KCTD8: variants seen among roughly 807,000 people sequenced by gnomAD.
KCTD8 encodes the protein BTB/POZ domain-containing protein KCTD8.
In KCTD8, 27 loss-of-function variants were observed where a neutral mutation model predicts 31.5. That is an observed-to-expected ratio of 0.86 (90% CI 0.63 to 1.18). The LOEUF is 1.18. Ranked by LOEUF, KCTD8 falls within the 50% of genes most tolerant of loss-of-function variation. The probability of loss-of-function intolerance (pLI) is 0.00; values close to 1 mark genes in which losing one functional copy is unlikely to be tolerated. For missense variants in KCTD8, 658 were observed against 647.7 expected (o/e 1.02, Z -0.17); for synonymous variants, 290 against 280.0 (o/e 1.04, Z -0.36).
intron 1 of KCTD8, among the ~76,000 whole-genome samples, chr4:44,397,883 G>T (rs915100556): frequency 1.3e-5 from 2 of 151,952 alleles, no homozygotes; most frequent in Non-Finnish European, 2.9e-5. Flanking sequence ...CTAAAAAATT[G>T]ATTTTTTTGT....
At chr4:44,338,119 G>A (rs1276706426) in intron 1 of KCTD8, among the ~76,000 whole-genome samples, 3 of 151,696 alleles carry the variant, frequency 2.0e-5, no homozygotes, top group African/African-American at 7.3e-5. Flanking sequence ...GGGGTAAACA[G>A]GTTGAAAATA....
At chr4:44,348,882 G>A (rs890904810) in intron 1 of KCTD8, among the ~76,000 whole-genome samples, 5 of 152,016 alleles carry the variant, frequency 3.3e-5, no homozygotes, top group African/African-American at 1.2e-4. Context: ...CTGTCAGTTG[G>A]CACAGTCCTC....
intron 1 of KCTD8, among the ~76,000 whole-genome samples, chr4:44,342,006 A>G (rs568465825): frequency 6.6e-6 from 1 of 152,290 alleles, no homozygotes; most frequent in South Asian, 2.1e-4. Flanking sequence ...CAGGAAAACA[A>G]CATTAATCTC....
At chr4:44,238,341 C>A (rs545774914) in intron 1 of KCTD8, among the ~76,000 whole-genome samples, 29 of 152,156 alleles carry the variant, frequency 1.9e-4, no homozygotes, top group Non-Finnish European at 2.5e-4. Context: ...GTCTCTCTCT[C>A]TATATAAACT....
chr4:44,341,838 G>A (rs1718906185), intron 1 of KCTD8, among the ~76,000 whole-genome samples: 2 of 152,008 alleles, frequency 1.3e-5, no homozygotes, highest in Non-Finnish European at 2.9e-5. Flanking sequence ...GTTCTTTATG[G>A]CATCTCTAAT....
rs1467365378 is a variant in KCTD8 at position 44,268,548 on chromosome 4, A to G, written c.962-93298T>C. On this transcript the variant is annotated intron_variant, in intron 1 of 1. Transcript: ENST00000360029. ...AGTATTGGAAGTTCTGGCCAGGGCA[A>G]TTAGGCAGGAGAAGGAAATAAAGGG... Among the ~76,000 whole-genome samples the G allele has an allele frequency of 5.3e-5, 8 of 152,194 alleles. No homozygotes were observed. In the East Asian group the frequency reaches 1.6e-3, roughly 29 times the overall value.
At chr4:44,261,906 T>C (rs1716193556) in intron 1 of KCTD8, among the ~76,000 whole-genome samples, 1 of 152,102 alleles carries the variant, frequency 6.6e-6, no homozygotes, top group Non-Finnish European at 1.5e-5. Flanking sequence ...ATCTTGAATA[T>C]ATATAATTTT....
At chr4:44,324,090 C>T (rs1251181099) in intron 1 of KCTD8, among the ~76,000 whole-genome samples, 1 of 143,828 alleles carries the variant, frequency 7.0e-6, no homozygotes, top group African/African-American at 2.6e-5. Context: ...AAAAGGAAAC[C>T]AAATTTTTAT....
chr4:44,328,427 T>C (rs1353677298), intron 1 of KCTD8, among the ~76,000 whole-genome samples: 1 of 151,966 alleles, frequency 6.6e-6, no homozygotes, highest in African/African-American at 2.4e-5. Flanking sequence ...AGCTGAGTAC[T>C]AGATGACCAC....
intron 1 of KCTD8, among the ~76,000 whole-genome samples, chr4:44,387,897 A>G (rs1720263949): frequency 6.6e-6 from 1 of 151,900 alleles, no homozygotes; most frequent in Non-Finnish European, 1.5e-5. Flanking sequence ...GCTGCATGGC[A>G]AAAGAAACTT....
intron 1 of KCTD8, among the ~76,000 whole-genome samples, chr4:44,379,786 G>A (rs1720012901): frequency 6.6e-6 from 1 of 152,000 alleles, no homozygotes; most frequent in African/African-American, 2.4e-5. Context: ...ATTAAAATTT[G>A]TATTTCAATC....
intron 1 of KCTD8, among the ~76,000 whole-genome samples, chr4:44,260,624 A>AT (rs1173242207): frequency 6.6e-6 from 1 of 151,940 alleles, no homozygotes; most frequent in Non-Finnish European, 1.5e-5. Flanking sequence ...AAAGTTCTCC[A>AT]TCTCAACAAC....
rs148493532 is a variant in KCTD8 at position 44,316,835 on chromosome 4, G to A, written c.961+130728C>T. 6.7e-3 allele frequency among the ~76,000 whole-genome samples: 891 copies of A among 132,540 alleles called. 3 individuals carry two copies. The highest frequency in any genetic ancestry group is 0.01 in the Non-Finnish European group (651 of 62,780). 87.0% of individuals were successfully genotyped at this position (132,540 alleles called of 152,430 possible). A position where few individuals can be genotyped will look rare whatever the true frequency, so the allele number is the denominator to read the frequency against. ...AAAAAAAAAAAAAAGAAGATAAGCC[G>A]AGCTTGGTGGCCGGCGCCTGTAGTC... is the stretch of plus-strand genomic sequence containing the variant. On this transcript the variant is annotated intron_variant, in intron 1 of 1. Coordinates refer to ENST00000360029, the MANE Select transcript of KCTD8 (RefSeq NM_198353.3).
chr4:44,373,980 G>C (rs937137237), intron 1 of KCTD8, among the ~76,000 whole-genome samples: 3 of 152,080 alleles, frequency 2.0e-5, no homozygotes, highest in Non-Finnish European at 4.4e-5. Context: ...TTTTTTCCAA[G>C]TACTATTCTT....
At chr4:44,397,446 G>T (rs982465255) in intron 1 of KCTD8, among the ~76,000 whole-genome samples, 3 of 152,106 alleles carry the variant, frequency 2.0e-5, no homozygotes, top group African/African-American at 7.2e-5. Context: ...GCATGTGTGT[G>T]TGGGTATGAG....
intron 1 of KCTD8, among the ~76,000 whole-genome samples, chr4:44,226,021 G>A (rs1208958804): frequency 1.3e-5 from 2 of 151,718 alleles, no homozygotes; most frequent in Non-Finnish European, 2.9e-5. Flanking sequence ...GTAGAGATGG[G>A]GTTTCACCGT....
intron 1 of KCTD8, among the ~76,000 whole-genome samples, chr4:44,327,314 C>G (rs1249588772): frequency 1.3e-5 from 2 of 151,802 alleles, no homozygotes; most frequent in Non-Finnish European, 2.9e-5. Context: ...ACATACTAGT[C>G]TCAGAATCTA....
intron 1 of KCTD8, among the ~76,000 whole-genome samples, chr4:44,200,600 C>A (rs753462942): frequency 6.6e-6 from 1 of 151,898 alleles, no homozygotes; most frequent in Non-Finnish European, 1.5e-5. Context: ...TCAGTAAAAT[C>A]CAACATCCCT....
At chr4:44,236,352 A>G (rs1233501137) in intron 1 of KCTD8, among the ~76,000 whole-genome samples, 1 of 152,150 alleles carries the variant, frequency 6.6e-6, no homozygotes, top group African/African-American at 2.4e-5. Context: ...GGATGGGTCC[A>G]TGGTTTCTGG....
Sources: gnomAD v4.1 joint callset for allele counts (sites outside exome capture counted in the v4.1 genomes callset) on GRCh38, gnomAD v4.1.1 for gene constraint, MANE v1.5 for transcripts, NCBI Gene and HGNC (gene_info 2026-07-23, HGNC 2026-07-21) for gene names.